Variants in GLI3 observed in about 807,000 individuals in gnomAD.
GLI3 encodes GLI family zinc finger 3.
GLI3 carries 20 observed loss-of-function variants against 100.8 expected under a neutral mutation model. That is an observed-to-expected ratio of 0.20 (90% CI 0.14 to 0.29). The LOEUF (loss-of-function observed/expected upper bound fraction) is 0.29, where lower values mean the gene tolerates loss of function less well. Ranked by LOEUF, GLI3 falls within the 10% of genes least tolerant of loss-of-function variation. The pLI is 1.00. For missense variants in GLI3, 2,040 were observed against 2,128.5 expected, an observed-to-expected ratio of 0.96 and a Z score of 0.82; for synonymous variants, 938 against 860.5, an observed-to-expected ratio of 1.09 and a Z score of -1.58.
intron 2 of GLI3, among the ~76,000 whole-genome samples, chr7:42,158,962 G>A (rs1787068798): frequency 1.3e-5 from 2 of 152,124 alleles, no homozygotes; most frequent in African/African-American, 2.4e-5. Flanking sequence ...TTCTGTTGTC[G>A]CTGTTGTTAC....
At chr7:42,109,696 G>A (rs1255872892) in intron 3 of GLI3, among the ~76,000 whole-genome samples, 1 of 152,160 alleles carries the variant, frequency 6.6e-6, no homozygotes, top group African/African-American at 2.4e-5. Flanking sequence ...AGAGGTTTCA[G>A]AACAATGAAG....
intron 3 of GLI3, among the ~76,000 whole-genome samples, chr7:42,119,417 T>C (rs888141253): frequency 6.6e-5 from 10 of 152,138 alleles, no homozygotes; most frequent in African/African-American, 1.2e-4. Context: ...ACACTAAGAA[T>C]GTGAAACTGT....
chr7:41,996,393 C>A (rs186162483), intron 10 of GLI3, among the ~76,000 whole-genome samples: 5 of 152,200 alleles, frequency 3.3e-5, no homozygotes, highest in Admixed American at 1.3e-4. Context: ...TCAAACATAC[C>A]CAACCTGTAC....
chr7:42,014,404 T>C (rs1026788299), intron 10 of GLI3, among the ~76,000 whole-genome samples: 1 of 152,234 alleles, frequency 6.6e-6, no homozygotes, highest in Non-Finnish European at 1.5e-5. Flanking sequence ...AAACAAATCA[T>C]TTGTAATTAT....
intron 3 of GLI3, among the ~76,000 whole-genome samples, chr7:42,111,570 G>GT (rs1785707282): frequency 6.6e-6 from 1 of 152,288 alleles, no homozygotes; most frequent in Non-Finnish European, 1.5e-5. Context: ...TCAAGAAACT[G>GT]TGTCATTTTC....
At chr7:42,037,989 C>A (rs915484395) in intron 7 of GLI3, among the ~76,000 whole-genome samples, 30 of 152,104 alleles carry the variant, frequency 2.0e-4, no homozygotes, top group African/African-American at 6.5e-4. Flanking sequence ...GAGACCTGGG[C>A]AGAGAGCAAG....
At chr7:42,045,815 G>A (rs1749442746) in intron 5 of GLI3, among the ~76,000 whole-genome samples, 1 of 152,166 alleles carries the variant, frequency 6.6e-6, no homozygotes, top group Non-Finnish European at 1.5e-5. Context: ...ATGTATATAT[G>A]TACATAACCA....
intron 2 of GLI3, among the ~76,000 whole-genome samples, chr7:42,209,834 T>TC (rs1001049797): frequency 1.5e-4 from 22 of 151,034 alleles, no homozygotes; most frequent in Non-Finnish European, 3.2e-4. Flanking sequence ...TTTTTTTTTT[T>TC]TGAGACAGTC....
intron 2 of GLI3, among the ~76,000 whole-genome samples, chr7:42,177,591 A>G (rs1406664454): frequency 6.6e-6 from 1 of 152,238 alleles, no homozygotes; most frequent in Non-Finnish European, 1.5e-5. Context: ...TCTATGGCTT[A>G]AAAACATGTA....
chr7:42,232,953 T>G (rs994993467), intron 1 of GLI3, among the ~76,000 whole-genome samples: 1 of 152,210 alleles, frequency 6.6e-6, no homozygotes, highest in Non-Finnish European at 1.5e-5. Flanking sequence ...TGAAGAAATT[T>G]GGCACTCAAA....
chr7:42,182,660 A>ATATATATACATGTGTG (rs1554337054), intron 2 of GLI3, among the ~76,000 whole-genome samples: 8 of 59,138 alleles, frequency 1.4e-4, no homozygotes, highest in Non-Finnish European at 2.0e-4. Flanking sequence ...ATATATATAT[A>ATATATATACATGTGTG]TATATATATA....
chr7:42,211,484 T>C (rs1788273033), intron 2 of GLI3, among the ~76,000 whole-genome samples: 2 of 152,230 alleles, frequency 1.3e-5, no homozygotes, highest in African/African-American at 4.8e-5. Context: ...CCAACGTATG[T>C]TTTCTGGTTT....
At chr7:41,985,402 C>T (rs949304957) in intron 10 of GLI3, among the ~76,000 whole-genome samples, 1 of 152,114 alleles carries the variant, frequency 6.6e-6, no homozygotes, top group African/African-American at 2.4e-5. Context: ...AAGTCTTCTA[C>T]TTTGACATAA....
intron 1 of GLI3, among the ~76,000 whole-genome samples, chr7:42,230,883 A>G (rs142438935): frequency 3.8e-4 from 58 of 152,320 alleles, no homozygotes; most frequent in African/African-American, 1.2e-3. Flanking sequence ...TCAGACAGAG[A>G]AGGAGATCTG....
At chr7:42,100,513 A>G (rs1379648227) in intron 3 of GLI3, among the ~76,000 whole-genome samples, 1 of 151,888 alleles carries the variant, frequency 6.6e-6, no homozygotes, top group Admixed American at 6.6e-5. Context: ...AACTAGGCAG[A>G]TCGATTGAGC....
At chr7:42,042,708 C>A (rs1784170040) in intron 6 of GLI3, among the ~76,000 whole-genome samples, 1 of 152,190 alleles carries the variant, frequency 6.6e-6, no homozygotes, top group Non-Finnish European at 1.5e-5. Flanking sequence ...GGTGAGGGGC[C>A]TCTCAAGACC....
At chr7:41,981,080 G>A (rs1162908396) in intron 10 of GLI3, among the ~76,000 whole-genome samples, 1 of 152,182 alleles carries the variant, frequency 6.6e-6, no homozygotes, top group African/African-American at 2.4e-5. Context: ...CAGGTGTGCA[G>A]GGAAGGATGG....
intron 2 of GLI3, among the ~76,000 whole-genome samples, chr7:42,161,154 C>T (rs1414753687): frequency 6.6e-6 from 1 of 152,182 alleles, no homozygotes; most frequent in Non-Finnish European, 1.5e-5. Context: ...CAACCTGTAT[C>T]CTCTGACTGC....
intron 1 of GLI3, among the ~76,000 whole-genome samples, chr7:42,234,441 C>A (rs151020804): frequency 8.1e-4 from 123 of 152,284 alleles, no homozygotes; most frequent in African/African-American, 2.9e-3. Flanking sequence ...AACTTTTAGG[C>A]TTGCACATCG....
Sources: allele counts gnomAD v4.1 joint callset (sites outside exome capture counted in the v4.1 genomes callset), GRCh38; gene constraint gnomAD v4.1.1; transcripts MANE v1.5; gene names NCBI Gene and HGNC (gene_info 2026-07-23, HGNC 2026-07-21).